The following PAPPA variants were observed in gnomAD, a reference collection of about 807,000 sequenced individuals.
The protein encoded by PAPPA is pappalysin-1.
Under a neutral mutation model 164.0 loss-of-function variants are expected in PAPPA, and 60 were observed. The ratio of observed to expected loss-of-function variants is 0.37; its 90% confidence interval spans 0.30 to 0.45. PAPPA has a LOEUF of 0.45. PAPPA is among the 20% of genes least tolerant of loss of function. The pLI is 1.00. For missense variants in PAPPA, 1,782 were observed against 2,087.3 expected (o/e 0.85, Z 2.85); for synonymous variants, 875 against 814.1 (o/e 1.07, Z -1.27).
intron 2 of PAPPA, among the ~76,000 whole-genome samples, chr9:116,197,979 C>T (rs1486257614): frequency 6.6e-6 from 1 of 152,216 alleles, no homozygotes; most frequent in East Asian, 1.9e-4. Flanking sequence ...TCTGAAATAA[C>T]CCTTGTTCCT....
At chr9:116,175,031 A>T (rs1843816590) in intron 1 of PAPPA, among the ~76,000 whole-genome samples, 1 of 152,184 alleles carries the variant, frequency 6.6e-6, no homozygotes, top group Admixed American at 6.5e-5. Context: ...CCTGAGAGAG[A>T]GTGTGACTTG....
Position 116,209,934 on chromosome 9 carries a change from C to T in PAPPA, c.1625-1705C>T, listed in dbSNP as rs772255506. Among the ~76,000 whole-genome samples the T allele has an allele frequency of 3.2e-4, 48 of 152,236 alleles. 1 individual carries two copies. The highest frequency in any genetic ancestry group is 1.2e-4 in the Non-Finnish European group (8 of 68,020). On this transcript the variant is annotated intron_variant, in intron 3 of 21. Coordinates refer to ENST00000328252, the MANE Select transcript of PAPPA (RefSeq NM_002581.5). ...TAACTCCAGCTGGACTCCAGGCTGCCCTCTCCCCATCCCAAGAGATGCTGC... is the reference window on the plus strand; with the variant it reads ...TAACTCCAGCTGGACTCCAGGCTGCTCTCTCCCCATCCCAAGAGATGCTGC...
rs756844986 is a variant in PAPPA, at chr9:116,302,768, C to T, written c.2965C>T (p.Arg989Trp). ...VSFNCIDEPSRCYFHDGDGVC... is the reference protein window; with the variant it reads ...VSFNCIDEPSWCYFHDGDGVC... Reference sequence around the variant, plus strand: ...TCAATCTTTTGCAGATGAACCCAGCCGGTGCTATTTCCATGATGGTGATGG... The same window carrying T: ...TCAATCTTTTGCAGATGAACCCAGCTGGTGCTATTTCCATGATGGTGATGG... Residue 989 changes from arginine (R) to tryptophan (W), a missense_variant, in exon 10 of 22, where the codon CGG (arginine) becomes TGG (tryptophan). Physicochemically the swap from Arg to Trp is moderately radical, Grantham distance 101. Transcript: ENST00000328252. 13 of 1,610,830 alleles carry T rather than the reference C, an allele frequency of 8.1e-6. No individual in the cohort carries two copies. Among genetic ancestry groups the T allele is most frequent in the African/African-American group, 2.7e-5 (2 of 74,806 alleles).
chr9:116,299,047 G>A (rs957901047), intron 9 of PAPPA, among the ~76,000 whole-genome samples: 1 of 152,108 alleles, frequency 6.6e-6, no homozygotes, highest in Non-Finnish European at 1.5e-5. Flanking sequence ...TCTGTGCTTG[G>A]GGCAGAGGGA....
At chr9:116,284,870 A>G (rs1335415794) in intron 9 of PAPPA, among the ~76,000 whole-genome samples, 1 of 151,892 alleles carries the variant, frequency 6.6e-6, no homozygotes, top group Non-Finnish European at 1.5e-5. Flanking sequence ...TCATTACTCT[A>G]CCTGAGGCCC....
At position 116,398,481 on chromosome 9, in the gene PAPPA, A is replaced by T; in HGVS notation, c.*1865A>T. On this transcript the variant is annotated 3_prime_UTR_variant, in exon 22 of 22. Transcript: ENST00000328252. ...TGTTGTTAATCTATCATAGCACTTA[A>T]AAAAAAAAAAAAAAAGAGACCAAAA... 1.6e-6 allele frequency: 1 copy of T among 621,962 alleles called. No individual in the cohort carries two copies. The highest frequency in any genetic ancestry group is 2.1e-6 in the Non-Finnish European group (1 of 477,790). The allele number at this position is 621,962 out of a possible 1,614,324, so 38.5% of individuals were successfully genotyped here. A position where few individuals can be genotyped will look rare whatever the true frequency, so the allele number is the denominator to read the frequency against.
At chr9:116,220,884 C>CA (rs370389780) in intron 5 of PAPPA, among the ~76,000 whole-genome samples, 56 of 132,952 alleles carry the variant, frequency 4.2e-4, no homozygotes, top group South Asian at 1.9e-3. Context: ...AACTCTGTCT[C>CA]AAAAAAAAAA....
At chr9:116,293,742 G>A (rs1476881771) in intron 9 of PAPPA, among the ~76,000 whole-genome samples, 2 of 152,140 alleles carry the variant, frequency 1.3e-5, no homozygotes, top group African/African-American at 2.4e-5. Flanking sequence ...ATCACCTGAG[G>A]TCGGGAGTTC....
At chr9:116,241,449 T>C (rs575765844) in intron 7 of PAPPA, among the ~76,000 whole-genome samples, 7 of 152,204 alleles carry the variant, frequency 4.6e-5, no homozygotes, top group Non-Finnish European at 7.3e-5. Context: ...CAGTAACTTA[T>C]AATGAAAGCT....
intron 10 of PAPPA, among the ~76,000 whole-genome samples, chr9:116,317,973 T>A (rs1427305251): frequency 6.6e-6 from 1 of 152,262 alleles, no homozygotes; most frequent in Non-Finnish European, 1.5e-5. Context: ...TGTATTTTTT[T>A]AAATAACGTG....
At chr9:116,358,619 G>T (rs1450398705) in intron 17 of PAPPA, among the ~76,000 whole-genome samples, 1 of 152,190 alleles carries the variant, frequency 6.6e-6, no homozygotes, top group Admixed American at 6.5e-5. Context: ...TGCACTCACT[G>T]CCTGGTTTTG....
At chr9:116,292,868 A>C (rs1449884909) in intron 9 of PAPPA, among the ~76,000 whole-genome samples, 1 of 152,208 alleles carries the variant, frequency 6.6e-6, no homozygotes, top group African/African-American at 2.4e-5. Context: ...ATGTAGAGTT[A>C]GGGAAGGAGA....
chr9:116,383,381 C>T (rs1287967804), intron 21 of PAPPA, among the ~76,000 whole-genome samples: 1 of 152,150 alleles, frequency 6.6e-6, no homozygotes, highest in East Asian at 1.9e-4. Context: ...GAAGGGGGAA[C>T]TGAGTTTCTG....
chr9:116,256,930 G>GTT lies in PAPPA; in HGVS notation c.2733-8918_2733-8917dup, dbSNP rs34511305. Reference sequence around the variant, plus strand: ...ATAGAGATGTAGACTATTTTTTAAAGTTTTTTTTTTACCATGTACTAGGCC... The same window carrying GTT: ...ATAGAGATGTAGACTATTTTTTAAAGTTTTTTTTTTTTACCATGTACTAGGCC... On this transcript the variant is annotated intron_variant, in intron 7 of 21. Coordinates refer to ENST00000328252, the MANE Select transcript of PAPPA (RefSeq NM_002581.5). Among the ~76,000 whole-genome samples, 1,193 of 148,892 alleles carry GTT rather than the reference G, an allele frequency of 8.0e-3. 17 individuals are homozygous for GTT. The highest frequency in any genetic ancestry group is 0.027 in the African/African-American group (1,107 of 40,750).
At chr9:116,331,410 C>A in intron 11 of PAPPA, 53 bp downstream of exon 11, 1 of 1,036,050 alleles carries the variant, frequency 9.7e-7, no homozygotes, top group Non-Finnish European at 1.5e-6. Flanking sequence ...CCACAGAAAA[C>A]ACTGACTCCC....
chr9:116,348,281 A>G (rs1846237244), intron 15 of PAPPA, among the ~76,000 whole-genome samples: 1 of 151,476 alleles, frequency 6.6e-6, no homozygotes, highest in African/African-American at 2.4e-5. Context: ...GCTTGGATCT[A>G]CTGGCAGCAA....
At chr9:116,177,978 A>G (rs544611186) in intron 1 of PAPPA, among the ~76,000 whole-genome samples, 3 of 152,338 alleles carry the variant, frequency 2.0e-5, no homozygotes, top group Non-Finnish European at 4.4e-5. Flanking sequence ...AAAAAGAGCA[A>G]TAAACATGCA....
chr9:116,304,440 G>C (rs1359429102), intron 10 of PAPPA, among the ~76,000 whole-genome samples: 1 of 152,230 alleles, frequency 6.6e-6, no homozygotes, highest in Non-Finnish European at 1.5e-5. Flanking sequence ...GGGCCAGCAA[G>C]AGAACAAGGA....
intron 14 of PAPPA, 53 bp downstream of exon 14, chr9:116,344,764 T>C: frequency 6.5e-7 from 1 of 1,541,246 alleles, no homozygotes; most frequent in East Asian, 2.3e-5. Context: ...GAAGGCTTAC[T>C]GGGTGTTAAC....
Sources: gnomAD v4.1 joint callset for allele counts (sites outside exome capture counted in the v4.1 genomes callset) on GRCh38, gnomAD v4.1.1 for gene constraint, MANE v1.5 for transcripts, NCBI Gene and HGNC (gene_info 2026-07-23, HGNC 2026-07-21) for gene names.